EPHB1: variants seen among roughly 807,000 people sequenced by gnomAD.
The protein encoded by EPHB1 is EPH receptor B1.
A neutral mutation model predicts 94.4 loss-of-function variants in EPHB1; 30 were observed. That is an observed-to-expected ratio of 0.32 (90% CI 0.24 to 0.43). The LOEUF (loss-of-function observed/expected upper bound fraction) is 0.43, where lower values mean the gene tolerates loss of function less well. EPHB1 is among the 20% of genes least tolerant of loss of function. EPHB1 has a pLI of 1.00. For missense variants in EPHB1, 1,055 were observed against 1,308.3 expected, an observed-to-expected ratio of 0.81 and a Z score of 2.99; for synonymous variants, 522 against 489.1, an observed-to-expected ratio of 1.07 and a Z score of -0.89.
chr3:135,096,485 T>C (rs1938769471), intron 3 of EPHB1, among the ~76,000 whole-genome samples: 1 of 152,232 alleles, frequency 6.6e-6, no homozygotes. Flanking sequence ...TCTGAGATTC[T>C]GTGTTTCTAT....
intron 3 of EPHB1, among the ~76,000 whole-genome samples, chr3:135,035,691 A>G (rs1222506519): frequency 6.6e-6 from 1 of 152,200 alleles, no homozygotes; most frequent in African/African-American, 2.4e-5. Context: ...GGACAGCTGG[A>G]GACCTACTGT....
chr3:134,952,508 T>C (rs901230206), intron 3 of EPHB1, among the ~76,000 whole-genome samples: 5 of 152,090 alleles, frequency 3.3e-5, no homozygotes, highest in Admixed American at 3.3e-4. Context: ...GGACTGAATT[T>C]GGAAAATATT....
At chr3:134,865,832 C>A (rs2037365111) in intron 1 of EPHB1, among the ~76,000 whole-genome samples, 1 of 152,112 alleles carries the variant, frequency 6.6e-6, no homozygotes, top group Non-Finnish European at 1.5e-5. Flanking sequence ...TTAGGTTCAA[C>A]CATTTGAAAT....
intron 1 of EPHB1, among the ~76,000 whole-genome samples, chr3:134,806,177 C>G (rs1465319552): frequency 6.6e-6 from 1 of 152,192 alleles, no homozygotes; most frequent in Non-Finnish European, 1.5e-5. Context: ...TCATTCCTCT[C>G]CCTTTGAATA....
intron 1 of EPHB1, among the ~76,000 whole-genome samples, chr3:134,837,277 C>A (rs1416798952): frequency 1.3e-5 from 2 of 152,170 alleles, no homozygotes; most frequent in South Asian, 4.1e-4. Context: ...ACCCTCTATT[C>A]CATGATTTTA....
intron 2 of EPHB1, among the ~76,000 whole-genome samples, chr3:134,928,240 C>G (rs906374945): frequency 7.2e-5 from 11 of 152,220 alleles, no homozygotes; most frequent in African/African-American, 2.7e-4. Flanking sequence ...ATCTTCAGAT[C>G]TCTGCTCGTG....
At chr3:135,043,730 G>C (rs1395073348) in intron 3 of EPHB1, among the ~76,000 whole-genome samples, 2 of 152,182 alleles carry the variant, frequency 1.3e-5, no homozygotes, top group Non-Finnish European at 2.9e-5. Context: ...GAAGACTCTT[G>C]CATCCATAGA....
intron 1 of EPHB1, among the ~76,000 whole-genome samples, chr3:134,885,616 A>G (rs1037763671): frequency 6.6e-6 from 1 of 152,206 alleles, no homozygotes; most frequent in Non-Finnish European, 1.5e-5. Context: ...ATTTCCTTCT[A>G]TAGCATCCAA....
At chr3:135,094,528 A>G (rs986429124) in intron 3 of EPHB1, among the ~76,000 whole-genome samples, 4 of 152,036 alleles carry the variant, frequency 2.6e-5, no homozygotes, top group African/African-American at 9.7e-5. Flanking sequence ...TTGCCATTCT[A>G]TTCTGAGGCA....
chr3:134,910,021 C>T (rs927443786), intron 1 of EPHB1, among the ~76,000 whole-genome samples: 10 of 152,184 alleles, frequency 6.6e-5, no homozygotes, highest in Non-Finnish European at 1.3e-4. Context: ...TAGTCCATTC[C>T]CTCCAACAAA....
intron 2 of EPHB1, among the ~76,000 whole-genome samples, chr3:134,949,347 G>T (rs527507387): frequency 1.3e-5 from 2 of 152,242 alleles, no homozygotes; most frequent in African/African-American, 2.4e-5. Flanking sequence ...GACAGAAGGA[G>T]TGACCATGAG....
At chr3:134,935,020 G>T (rs1370074552) in intron 2 of EPHB1, among the ~76,000 whole-genome samples, 1 of 152,126 alleles carries the variant, frequency 6.6e-6, no homozygotes, top group African/African-American at 2.4e-5. Context: ...TACACCCCTT[G>T]TCCCAGTCTT....
At chr3:135,140,070 A>G (rs1940767069) in intron 5 of EPHB1, among the ~76,000 whole-genome samples, 1 of 152,214 alleles carries the variant, frequency 6.6e-6, no homozygotes. Flanking sequence ...CCAAGTACAT[A>G]GCTTCAGGAG....
chr3:135,013,081 A>AT (rs1231068328), intron 3 of EPHB1, among the ~76,000 whole-genome samples: 1 of 152,126 alleles, frequency 6.6e-6, no homozygotes, highest in Non-Finnish European at 1.5e-5. Context: ...AACCTCCAAA[A>AT]TCATCCCCAC....
intron 1 of EPHB1, among the ~76,000 whole-genome samples, chr3:134,825,376 A>G (rs991332161): frequency 6.6e-6 from 1 of 152,216 alleles, no homozygotes; most frequent in African/African-American, 2.4e-5. Flanking sequence ...AGAACTGTTC[A>G]TTTCATCTGG....
chr3:134,970,824 C>T (rs530748655), intron 3 of EPHB1, among the ~76,000 whole-genome samples: 213 of 152,230 alleles, frequency 1.4e-3, no homozygotes, highest in Non-Finnish European at 2.3e-3. Context: ...GTTAATGCTC[C>T]GAAGCTCTTC....
At chr3:134,918,989 G>C (rs930240677) in intron 1 of EPHB1, among the ~76,000 whole-genome samples, 3 of 152,212 alleles carry the variant, frequency 2.0e-5, no homozygotes, top group African/African-American at 7.2e-5. Context: ...TGCATGAAGA[G>C]CAACCGAGAT....
At chr3:135,250,318 T>G (rs1933018138) in intron 15 of EPHB1, among the ~76,000 whole-genome samples, 1 of 152,146 alleles carries the variant, frequency 6.6e-6, no homozygotes, top group Non-Finnish European at 1.5e-5. Flanking sequence ...TTTATCTGGT[T>G]CCACCCCTTC....
At chr3:135,022,735 A>G (rs1936027300) in intron 3 of EPHB1, among the ~76,000 whole-genome samples, 1 of 152,134 alleles carries the variant, frequency 6.6e-6, no homozygotes, top group Non-Finnish European at 1.5e-5. Context: ...TGTGTTATTT[A>G]TTTTCTCTCA....
Sources: allele counts gnomAD v4.1 joint callset (sites outside exome capture counted in the v4.1 genomes callset), GRCh38; gene constraint gnomAD v4.1.1; transcripts MANE v1.5; gene names NCBI Gene and HGNC (gene_info 2026-07-23, HGNC 2026-07-21).